RPL35: variants seen among roughly 807,000 people sequenced by gnomAD.
RPL35 encodes large ribosomal subunit protein uL29.
RPL35 carries 2 observed loss-of-function variants against 15.6 expected under a neutral mutation model. The observed-to-expected ratio is 0.13, with a 90% CI of 0.05 to 0.40. RPL35 has a LOEUF of 0.40. Ranked by LOEUF, RPL35 falls within the 10% of genes least tolerant of loss-of-function variation. The pLI is 0.99. For missense variants in RPL35, 111 were observed against 164.7 expected (o/e 0.67, Z 1.79); for synonymous variants, 93 against 67.9 (o/e 1.37, Z -1.82).
intron 3 of RPL35, chr9:124,858,369 TGCC>T (rs1250946807): frequency 3.1e-6 from 2 of 643,234 alleles, no homozygotes; most frequent in African/African-American, 3.6e-5. Context: ...CTCCTTCCAC[TGCC>T]CGATTCCCAG....
At chr9:124,858,232 C>G (rs1829137979) in intron 3 of RPL35, 165 bp from the exon 4 acceptor site, 3 of 664,382 alleles carry the variant, frequency 4.5e-6, no homozygotes, top group South Asian at 1.9e-5. Flanking sequence ...CCCCCCAAAT[C>G]TAAGGCTGGT....
At position 124,861,879 on chromosome 9, in the gene RPL35, C is replaced by A. The variant is rs1490570719; in HGVS notation, c.3+31G>T. ...TCCCCAACCCCCGCGCCTCACAGCG[C>A]TCGGATGGCGCCCGATTCCGCAGCT... is the stretch of plus-strand genomic sequence containing the variant. On this transcript the variant is annotated intron_variant, in intron 1 of 3. Transcript: ENST00000348462. 4 of 1,602,286 alleles carry A rather than the reference C, an allele frequency of 2.5e-6. No individual in the cohort carries two copies. The African/African-American group carries it at 4.0e-5, about 16-fold the overall frequency.
At position 124,857,924 on chromosome 9, in the gene RPL35, C is replaced by T. The variant is rs112971121; in HGVS notation, c.366G>A (p.Lys122=). The T allele has an allele frequency of 5.0e-6, 8 of 1,612,248 alleles. 1 individual carries two copies. The African/African-American group carries it at 9.3e-5, about 19-fold the overall frequency. ...RLYPLRKYAV[K]A is the part of the protein sequence containing the mutation. The stretch of plus-strand genomic sequence containing the variant: ...TTTATTGACAATGCGCCCCTCAGGC[C>T]TTGACCGCGTACTTCCGCAGCGGGT... The change falls in exon 4 of 4, where the codon AAG becomes AAA. Residue 122 remains lysine (K), a synonymous_variant. Transcript: ENST00000348462.
At position 124,861,925 on chromosome 9, in the gene RPL35, C is replaced by A. The variant is rs767263609; in HGVS notation, c.-13G>T. ...CAGCTCTCACCATTGCTGCACAAGCCGCCAACGCCGCCGCCCGCTCCGAGG... is the reference window on the plus strand; with the variant it reads ...CAGCTCTCACCATTGCTGCACAAGCAGCCAACGCCGCCGCCCGCTCCGAGG... On this transcript the variant is annotated 5_prime_UTR_variant, in exon 1 of 4. Transcript: ENST00000348462. 1 of 1,599,694 alleles carries A rather than the reference C, an allele frequency of 6.3e-7. No individual in the cohort carries two copies. Among genetic ancestry groups the A allele is most frequent in the East Asian group, 2.3e-5 (1 of 44,186 alleles).
rs1588037900 is a variant in RPL35 at position 124,861,505 on chromosome 9, C to G, written c.54G>C (p.Leu18=). The G allele has an allele frequency of 6.2e-7, 1 of 1,614,094 alleles. No individual in the cohort carries two copies. The highest frequency in any genetic ancestry group is 1.1e-5 in the South Asian group (1 of 91,088). Reference sequence around the variant, plus strand: ...CCACCTTCAGGTCGTCCAGCTGTTTCAGCAGCTCCTCCTTCTTCTTCCCGC... The same window carrying G: ...CCACCTTCAGGTCGTCCAGCTGTTTGAGCAGCTCCTCCTTCTTCTTCCCGC... ...DLRGKKKEEL[L]KQLDDLKVEL... Residue 18 remains leucine (L), a synonymous_variant, in exon 2 of 4, where the codon CTG becomes CTC. Transcript: ENST00000348462.
intron 3 of RPL35, chr9:124,858,467 G>A (rs1015987996): frequency 1.1e-5 from 8 of 716,594 alleles, no homozygotes; most frequent in East Asian, 2.7e-5. Flanking sequence ...CCTCGGCTCT[G>A]GTTAGCAAGA....
chr9:124,860,156 A>G (rs775042468), intron 3 of RPL35, 27 bp downstream of exon 3: 4 of 1,574,618 alleles, frequency 2.5e-6, no homozygotes, highest in African/African-American at 2.7e-5. Flanking sequence ...CCTGCAGCCA[A>G]CCCTCCCTAT....
At chr9:124,858,196 C>T in intron 3 of RPL35, 129 bp from the exon 4 acceptor site, 1 of 696,050 alleles carries the variant, frequency 1.4e-6, no homozygotes. Flanking sequence ...TGCCAGCAGG[C>T]CACACATGTC....
intron 3 of RPL35, among the ~76,000 whole-genome samples, chr9:124,859,446 C>T (rs1018180008): frequency 2.6e-5 from 4 of 152,180 alleles, no homozygotes; most frequent in Non-Finnish European, 4.4e-5. Flanking sequence ...CCAGAAGGCC[C>T]GATCCAATCA....
At chr9:124,859,073 C>T (rs1320368425) in intron 3 of RPL35, among the ~76,000 whole-genome samples, 1 of 152,208 alleles carries the variant, frequency 6.6e-6, no homozygotes, top group Non-Finnish European at 1.5e-5. Flanking sequence ...TGCTGTCCAA[C>T]AGAGCAGCCA....
intron 2 of RPL35, chr9:124,861,103 C>T (rs2131325947): frequency 3.1e-6 from 1 of 322,116 alleles, no homozygotes; most frequent in African/African-American, 2.1e-5. Flanking sequence ...ACTTACGCTG[C>T]CACTCCAGGG....
Position 124,860,221 on chromosome 9 carries a change from T to A in RPL35, c.184A>T (p.Asn62Tyr). The A allele has an allele frequency of 6.2e-7, 1 of 1,614,128 alleles. No individual in the cohort carries two copies. Among genetic ancestry groups the A allele is most frequent in the Non-Finnish European group, 8.5e-7 (1 of 1,179,980 alleles). ...CTGAGGTTTTCTTTCTGAGTCTGGT[T>A]AATAACTGTGAGAACACGGGCAATG... ...KSIARVLTVINQTQKENLRKF... is the reference protein window; with the variant it reads ...KSIARVLTVIYQTQKENLRKF... The change falls in exon 3 of 4, where the codon AAC becomes TAC. Residue 62 changes from asparagine (N) to tyrosine (Y), a missense_variant. By Grantham distance (143) the Asn-to-Tyr change is moderately radical. Coordinates refer to ENST00000348462, the MANE Select transcript of RPL35 (RefSeq NM_007209.4).
rs1829129091 is a variant in RPL35, at chr9:124,857,905, G to C, written c.*13C>G. 2 of 1,611,346 alleles carry C rather than the reference G, an allele frequency of 1.2e-6. No homozygotes were observed. The highest frequency in any genetic ancestry group is 1.7e-6 in the Non-Finnish European group (2 of 1,179,428). On this transcript the variant is annotated 3_prime_UTR_variant, in exon 4 of 4. Transcript: ENST00000348462. ...CAGTCTCAGCCAGCTGTGCTTTATT[G>C]ACAATGCGCCCCTCAGGCCTTGACC...
Position 124,858,420 on chromosome 9 carries a change from C to T in RPL35, c.223-353G>A, listed in dbSNP as rs140015336. Reference sequence around the variant, plus strand: ...TCACATGACAACCTAGTACAGGGCACGCAGCACCCACCAAGCCCCGGGGGT... The same window carrying T: ...TCACATGACAACCTAGTACAGGGCATGCAGCACCCACCAAGCCCCGGGGGT... On this transcript the variant is annotated intron_variant, in intron 3 of 3. Coordinates refer to ENST00000348462, the MANE Select transcript of RPL35 (RefSeq NM_007209.4). 3.5e-5 allele frequency: 25 copies of T among 707,180 alleles called. No homozygotes were observed. In the African/African-American group the frequency reaches 3.7e-4, roughly 10 times the overall value. The allele number at this position is 707,180 out of a possible 1,614,324, so 43.8% of individuals were successfully genotyped here. A position where few individuals can be genotyped will look rare whatever the true frequency, so the allele number is the denominator to read the frequency against.
chr9:124,861,953 A>G lies in RPL35; in HGVS notation c.-41T>C, dbSNP rs1171675840. 6.3e-7 allele frequency: 1 copy of G among 1,593,118 alleles called. No homozygotes were observed. The highest frequency in any genetic ancestry group is 1.4e-5 in the African/African-American group (1 of 73,892). ...CAACGCCGCCGCCCGCTCCGAGGGA[A>G]AGAGGAAGTAGGCGGGGCTGACCTC... is the stretch of plus-strand genomic sequence containing the variant. On this transcript the variant is annotated 5_prime_UTR_variant, in exon 1 of 4. Coordinates refer to ENST00000348462, the MANE Select transcript of RPL35 (RefSeq NM_007209.4).
rs140320346 is a variant in RPL35, at chr9:124,858,077, A to G, written c.223-10T>C. On this transcript the variant is annotated splice_polypyrimidine_tract_variant and intron_variant, in intron 3 of 3. Transcript: ENST00000348462. ...GCTTGTACTTCTTGCCCTGGGAGAC[A>G]GACGGCAGGGTGAATCCAAGGACCC... 2.6e-3 allele frequency: 4,228 copies of G among 1,611,394 alleles called. 12 individuals carry two copies. Among genetic ancestry groups the G allele is most frequent in the Non-Finnish European group, 3.2e-3 (3,765 of 1,179,546 alleles).
At chr9:124,860,062 T>G (rs1829172364) in intron 3 of RPL35, 121 bp downstream of exon 3, 8 of 732,676 alleles carry the variant, frequency 1.1e-5, no homozygotes, top group African/African-American at 1.7e-5. Context: ...AGCAACAAAT[T>G]GGGAAGGCTA....
rs766678909 is a variant in RPL35, at chr9:124,860,172, G to A, written c.222+11C>T. 6.2e-7 allele frequency: 1 copy of A among 1,605,810 alleles called. No individual in the cohort carries two copies. Among genetic ancestry groups the A allele is most frequent in the South Asian group, 1.1e-5 (1 of 90,884 alleles). ...CTGCAGCCAACCCTCCCTATGTCCA[G>A]GCAGACTCACCTTGTAGAATTTCCT... On this transcript the variant is annotated intron_variant, in intron 3 of 3. Coordinates refer to ENST00000348462, the MANE Select transcript of RPL35 (RefSeq NM_007209.4).
intron 2 of RPL35, chr9:124,861,164 A>C: frequency 2.2e-6 from 1 of 453,430 alleles, no homozygotes. Flanking sequence ...GTTGGTGGGA[A>C]GCGGAAGGAA....
Sources: allele counts gnomAD v4.1 joint callset (sites outside exome capture counted in the v4.1 genomes callset), GRCh38; gene constraint gnomAD v4.1.1; transcripts MANE v1.5; gene names NCBI Gene and HGNC (gene_info 2026-07-23, HGNC 2026-07-21).